Variants in EPHA4 observed in about 807,000 individuals in gnomAD.
EPHA4 encodes ephrin type-A receptor 4.
A neutral mutation model predicts 108.3 loss-of-function variants in EPHA4; 19 were observed. The ratio of observed to expected loss-of-function variants is 0.18; its 90% CI spans 0.12 to 0.26. The LOEUF (loss-of-function observed/expected upper bound fraction) is 0.26, where lower values mean the gene tolerates loss of function less well. Ranked by LOEUF, EPHA4 falls within the 10% of genes least tolerant of loss-of-function variation. The probability of loss-of-function intolerance (pLI) is 1.00; values close to 1 mark genes in which losing one functional copy is unlikely to be tolerated. For missense variants in EPHA4, 917 were observed against 1,254.0 expected (o/e 0.73, Z 4.06); for synonymous variants, 449 against 455.5 (o/e 0.99, Z 0.18).
intron 3 of EPHA4, among the ~76,000 whole-genome samples, chr2:221,541,556 T>C (rs903421194): frequency 6.6e-6 from 1 of 152,126 alleles, no homozygotes; most frequent in Non-Finnish European, 1.5e-5. Flanking sequence ...TAGCTGTAGT[T>C]TGTGGGCCAA....
At chr2:221,426,364 T>A (rs1689910256) in intron 16 of EPHA4, 100 bp downstream of exon 16, 1 of 1,402,962 alleles carries the variant, frequency 7.1e-7, no homozygotes. Context: ...CATTCCAGAT[T>A]TTTTTTAAAT....
chr2:221,520,628 A>G (rs1272628559), intron 3 of EPHA4, among the ~76,000 whole-genome samples: 1 of 152,070 alleles, frequency 6.6e-6, no homozygotes, highest in Non-Finnish European at 1.5e-5. Context: ...TAAATATAAT[A>G]GATGTATCTT....
At chr2:221,455,892 C>A (rs143206477) in intron 7 of EPHA4, among the ~76,000 whole-genome samples, 2 of 152,238 alleles carry the variant, frequency 1.3e-5, no homozygotes, top group African/African-American at 4.8e-5. Flanking sequence ...TGGATAATTT[C>A]AAAGGATGTC....
chr2:221,455,783 A>G, intron 7 of EPHA4, 125 bp from the exon 8 acceptor site: 1 of 692,356 alleles, frequency 1.4e-6, no homozygotes, highest in Non-Finnish European at 2.5e-6. Context: ...AACATTTCAG[A>G]AAGGGCAGCA....
At chr2:221,444,772 T>TTTTTTTTC (rs1690541444) in intron 9 of EPHA4, among the ~76,000 whole-genome samples, 1 of 115,414 alleles carries the variant, frequency 8.7e-6, no homozygotes, top group African/African-American at 3.6e-5. Context: ...TTTTTTTTTT[T>TTTTTTTTC]CTGGAGACAG....
chr2:221,498,329 C>T lies in EPHA4; in HGVS notation c.979+2688G>A, dbSNP rs1227842516. Among the ~76,000 whole-genome samples the T allele has an allele frequency of 2.6e-5, 4 of 152,284 alleles. No homozygotes were observed. In the East Asian group the frequency reaches 7.7e-4, roughly 29 times the overall value. ...GGGAGTACATGATGCAAATTGAGGG[C>T]CATCCTCAAAATGTCAGCCTCAAAC... On this transcript the variant is annotated intron_variant, in intron 4 of 17. Coordinates refer to ENST00000281821, the MANE Select transcript of EPHA4 (RefSeq NM_004438.5).
chr2:221,536,182 G>A (rs183903775), intron 3 of EPHA4, among the ~76,000 whole-genome samples: 4 of 152,292 alleles, frequency 2.6e-5, no homozygotes, highest in Admixed American at 2.6e-4. Context: ...GGCACCCTGT[G>A]GATGACCTTG....
At chr2:221,501,233 ATGCAAAGCCACCTCCT>A in intron 3 of EPHA4, 61 bp from the exon 4 acceptor site, 9 of 1,411,702 alleles carry the variant, frequency 6.4e-6, no homozygotes, top group Non-Finnish European at 8.5e-6. Flanking sequence ...CAAAGCAAAA[ATGCAAAGCCACCTCCT>A]TGTTTCAGAA....
chr2:221,482,509 G>A lies in EPHA4; in HGVS notation c.1161C>T (p.Thr387=). 6.2e-7 allele frequency: 1 copy of A among 1,614,022 alleles called. No individual in the cohort carries two copies. The highest frequency in any genetic ancestry group is 2.2e-5 in the East Asian group (1 of 44,864). The change falls in exon 5 of 18, where the codon ACC becomes ACT. Residue 387 remains threonine (T), a synonymous_variant. Coordinates refer to ENST00000281821, the MANE Select transcript of EPHA4 (RefSeq NM_004438.5). The stretch of plus-strand genomic sequence containing the variant: ...TGGTCTTCAAGCCATTCTGCTGTGG[G>A]GTGTAGTGGACCCCACTTCCACAGG... ...CRPCGSGVHY[T]PQQNGLKTTK... is the part of the protein sequence containing the mutation.
chr2:221,426,859 G>A (rs1689927720), intron 15 of EPHA4, among the ~76,000 whole-genome samples: 1 of 152,120 alleles, frequency 6.6e-6, no homozygotes, highest in Admixed American at 6.6e-5. Flanking sequence ...GTTTTATGTG[G>A]CCCTCTGAGG....
chr2:221,484,456 T>C (rs1026937606), intron 4 of EPHA4, among the ~76,000 whole-genome samples: 2 of 152,196 alleles, frequency 1.3e-5, no homozygotes, highest in African/African-American at 4.8e-5. Context: ...CTGTGAAACT[T>C]AGAAAAATGC....
chr2:221,564,844 T>C (rs972335583), intron 2 of EPHA4, among the ~76,000 whole-genome samples: 8 of 146,552 alleles, frequency 5.5e-5, no homozygotes, highest in Admixed American at 4.8e-4. Flanking sequence ...CAATTATCAG[T>C]TAATTAGTAG....
intron 3 of EPHA4, among the ~76,000 whole-genome samples, chr2:221,545,964 A>T (rs772457788): frequency 7.9e-5 from 12 of 152,016 alleles, no homozygotes; most frequent in Non-Finnish European, 1.2e-4. Flanking sequence ...TTTTCCAAAA[A>T]CCTTCCTTTA....
chr2:221,553,410 GA>G (rs908176031), intron 3 of EPHA4, among the ~76,000 whole-genome samples: 9 of 152,234 alleles, frequency 5.9e-5, no homozygotes, highest in African/African-American at 1.9e-4. Flanking sequence ...AAGCCCAAGA[GA>G]AAAAGCATTC....
At chr2:221,527,722 C>A (rs935959177) in intron 3 of EPHA4, among the ~76,000 whole-genome samples, 1 of 152,160 alleles carries the variant, frequency 6.6e-6, no homozygotes, top group Admixed American at 6.5e-5. Flanking sequence ...AAGATATCAG[C>A]GGTTTATATT....
At chr2:221,471,635 C>T (rs1448683863) in intron 5 of EPHA4, among the ~76,000 whole-genome samples, 1 of 152,128 alleles carries the variant, frequency 6.6e-6, no homozygotes, top group Non-Finnish European at 1.5e-5. Context: ...ATAGAAAGGG[C>T]TCTCATTGAT....
At chr2:221,567,365 G>A (rs1694699409) in intron 2 of EPHA4, among the ~76,000 whole-genome samples, 1 of 152,188 alleles carries the variant, frequency 6.6e-6, no homozygotes, top group Admixed American at 6.5e-5. Context: ...GATTAACAAT[G>A]AGTCTGACTC....
chr2:221,476,545 A>G (rs1341074877), intron 5 of EPHA4, among the ~76,000 whole-genome samples: 1 of 152,254 alleles, frequency 6.6e-6, no homozygotes, highest in African/African-American at 2.4e-5. Context: ...TGACATTTGT[A>G]ATTTTGTAGG....
intron 3 of EPHA4, among the ~76,000 whole-genome samples, chr2:221,521,921 G>T (rs1693176594): frequency 6.6e-6 from 1 of 152,206 alleles, no homozygotes. Flanking sequence ...ACGTTGCAGT[G>T]AGCCAAGATT....
Sources: gnomAD v4.1 joint callset for allele counts (sites outside exome capture counted in the v4.1 genomes callset) on GRCh38, gnomAD v4.1.1 for gene constraint, MANE v1.5 for transcripts, NCBI Gene and HGNC (gene_info 2026-07-23, HGNC 2026-07-21) for gene names.